DNAI1: variants seen among roughly 807,000 people sequenced by gnomAD.
DNAI1 encodes dynein axonemal intermediate chain 1.
Under a neutral mutation model 92.0 loss-of-function variants are expected in DNAI1, and 67 were observed. The ratio of observed to expected loss-of-function variants is 0.73; its 90% confidence interval spans 0.60 to 0.89. The LOEUF (loss-of-function observed/expected upper bound fraction) is 0.89. Among genes scored for constraint, DNAI1 ranks in the 40% least tolerant of loss-of-function variants. The pLI is 0.00. For synonymous variants in DNAI1, 323 were observed against 319.6 expected (o/e 1.01, Z -0.11); for missense variants, 839 against 866.6 (o/e 0.97, Z 0.40).
At chr9:34,462,249 C>A (rs1287300905) in intron 1 of DNAI1, among the ~76,000 whole-genome samples, 2 of 152,324 alleles carry the variant, frequency 1.3e-5, no homozygotes, top group African/African-American at 4.8e-5. Context: ...GAACTGCCCT[C>A]ACTTCCTGGA....
In DNAI1 at chr9:34,458,994, C is replaced by T. The variant is rs759637740; in HGVS notation, c.-12C>T. On this transcript the variant is annotated 5_prime_UTR_variant, in exon 1 of 20. Transcript: ENST00000242317. This position sits in a 1 kb window ranked among gnomAD's most constrained non-coding sequence, Gnocchi z 6.6. ...GACGAGGGAGCGTTTTGTAGGCTCT[C>T]CAGGGGTTGAGATGATTCCTGCTTC... The T allele has an allele frequency of 6.2e-6, 10 of 1,614,042 alleles. No homozygotes were observed. The Admixed American group carries it at 1.7e-4, about 27-fold the overall frequency.
rs758459005 is a variant in DNAI1 at position 34,493,167 on chromosome 9, G to C, written c.682-27G>C. ...CTGGGTAAAGATTGCACCTTACAAT[G>C]ATCCTTCTTATCTCACCCTTGCCTA... On this transcript the variant is annotated intron_variant, in intron 8 of 19. Transcript: ENST00000242317. 3.1e-6 allele frequency: 5 copies of C among 1,614,036 alleles called. No homozygotes were observed. In the African/African-American group the frequency reaches 6.7e-5, roughly 22 times the overall value.
At chr9:34,481,808 T>A (rs1292312187) in intron 1 of DNAI1, among the ~76,000 whole-genome samples, 1 of 152,232 alleles carries the variant, frequency 6.6e-6, no homozygotes, top group Non-Finnish European at 1.5e-5. Context: ...CAGTGAGTGT[T>A]ACAGCTCATA....
chr9:34,491,672 T>A, intron 8 of DNAI1, 118 bp downstream of exon 8: 1 of 1,083,400 alleles, frequency 9.2e-7, no homozygotes, highest in Non-Finnish European at 1.4e-6. Flanking sequence ...CCTCCTCATC[T>A]ACTTGCCTCC....
chr9:34,474,568 T>C (rs28668308), intron 1 of DNAI1, among the ~76,000 whole-genome samples: 1 of 87,604 alleles, frequency 1.1e-5, no homozygotes, highest in East Asian at 2.2e-4. Flanking sequence ...TTTTTTTTCC[T>C]TTTTTTTTTT....
chr9:34,499,484 G>T (rs1443709404), intron 10 of DNAI1, among the ~76,000 whole-genome samples: 1 of 152,158 alleles, frequency 6.6e-6, no homozygotes, highest in Non-Finnish European at 1.5e-5. Context: ...GCTAGGCACT[G>T]GGGACCCAGA....
rs530180315 is a variant in DNAI1 at position 34,480,341 on chromosome 9, G to T, written c.49-3107G>T. On this transcript the variant is annotated intron_variant, in intron 1 of 19. Coordinates refer to ENST00000242317, the MANE Select transcript of DNAI1 (RefSeq NM_012144.4). ...TCACCCAGGCTGGAGTCCAGTGTGC[G>T]ATCTTGGCTCACTGCAACCCCTGCC... 3.5e-5 allele frequency among the ~76,000 whole-genome samples: 5 copies of T among 143,514 alleles called. No individual in the cohort carries two copies. In the South Asian group the frequency reaches 1.1e-3, roughly 32 times the overall value. The allele number at this position is 143,514 out of a possible 152,430, so 94.2% of individuals were successfully genotyped here.
In DNAI1 at chr9:34,506,756, T is replaced by G; in HGVS notation, c.1193T>G (p.Leu398Arg). Residue 398 changes from leucine (L) to arginine (R), a missense_variant, in exon 13 of 20, where the codon CTG (leucine) becomes CGG (arginine). Physicochemically the swap from Leu to Arg is moderately radical, Grantham distance 102. Transcript: ENST00000242317. ...CLDIHVDHPYLVAVGHYDGNV... is the reference protein window; with the variant it reads ...CLDIHVDHPYRVAVGHYDGNV... ...GACATCCACGTGGACCACCCCTACC[T>G]GGTGGCAGTAGGCCACTATGACGGC... The G allele has an allele frequency of 1.2e-6, 2 of 1,614,194 alleles. No homozygotes were observed. Among genetic ancestry groups the G allele is most frequent in the Non-Finnish European group, 1.7e-6 (2 of 1,180,032 alleles).
At chr9:34,493,158 C>A (rs1205707936) in intron 8 of DNAI1, 36 bp from the exon 9 acceptor site, 10 of 1,614,088 alleles carry the variant, frequency 6.2e-6, no homozygotes, top group Non-Finnish European at 6.8e-6. Flanking sequence ...AAAGATTGCA[C>A]CTTACAATGA....
intron 1 of DNAI1, among the ~76,000 whole-genome samples, chr9:34,470,922 A>G (rs959656589): frequency 6.6e-6 from 1 of 152,238 alleles, no homozygotes; most frequent in African/African-American, 2.4e-5. Flanking sequence ...ATCTCAGCAT[A>G]TTAAGAGTAG....
At chr9:34,487,058 T>A (rs1824486488) in intron 4 of DNAI1, among the ~76,000 whole-genome samples, 1 of 152,240 alleles carries the variant, frequency 6.6e-6, no homozygotes, top group Non-Finnish European at 1.5e-5. Flanking sequence ...TTTTGGCTAT[T>A]ATGACTAATG....
At chr9:34,485,030 C>T in intron 2 of DNAI1, 112 bp from the exon 3 acceptor site, 2 of 998,356 alleles carry the variant, frequency 2.0e-6, no homozygotes, top group South Asian at 2.6e-5. Context: ...TTGTATTCTA[C>T]ATACAAGGGG....
intron 18 of DNAI1, among the ~76,000 whole-genome samples, chr9:34,515,684 T>C (rs958731009): frequency 3.3e-5 from 5 of 152,188 alleles, no homozygotes; most frequent in Admixed American, 3.3e-4. Flanking sequence ...TGCTACAACA[T>C]GGAGGAACCT....
chr9:34,483,720 GAT>G (rs1348808800), intron 2 of DNAI1, among the ~76,000 whole-genome samples: 3 of 152,046 alleles, frequency 2.0e-5, no homozygotes, highest in Non-Finnish European at 4.4e-5. Context: ...GAATAAGAGA[GAT>G]ATATTTATTT....
intron 9 of DNAI1, among the ~76,000 whole-genome samples, chr9:34,496,036 C>G (rs1015317374): frequency 3.0e-4 from 45 of 152,170 alleles, no homozygotes; most frequent in African/African-American, 1.0e-3. Context: ...CATGTTTCCT[C>G]TGACACCATC....
At chr9:34,484,718 A>G (rs542187587) in intron 2 of DNAI1, among the ~76,000 whole-genome samples, 2 of 152,350 alleles carry the variant, frequency 1.3e-5, no homozygotes, top group East Asian at 3.9e-4. Flanking sequence ...GTAGTTGGGA[A>G]GATAAAATAT....
intron 19 of DNAI1, among the ~76,000 whole-genome samples, chr9:34,520,137 C>T (rs1451422224): frequency 6.6e-6 from 1 of 152,136 alleles, no homozygotes; most frequent in African/African-American, 2.4e-5. Context: ...GCAGGTCTCG[C>T]CCCAAATAGC....
At chr9:34,491,722 C>T (rs1238759812) in intron 8 of DNAI1, among the ~76,000 whole-genome samples, 168 bp downstream of exon 8, 2 of 152,220 alleles carry the variant, frequency 1.3e-5, no homozygotes, top group Non-Finnish European at 2.9e-5. Flanking sequence ...GAACACCAGG[C>T]ACATGAGACA....
Position 34,483,420 on chromosome 9 carries a change from T to A in DNAI1, c.49-28T>A, listed in dbSNP as rs1191516999. On this transcript the variant is annotated intron_variant, in intron 1 of 19. Transcript: ENST00000242317. Reference sequence around the variant, plus strand: ...TTTCCATGTCAATTTGCTTATGACTTACCTTCTGTTTTCTGTTCTTCATTT... The same window carrying A: ...TTTCCATGTCAATTTGCTTATGACTAACCTTCTGTTTTCTGTTCTTCATTT... 6 of 1,607,868 alleles carry A rather than the reference T, an allele frequency of 3.7e-6. No individual in the cohort carries two copies. The East Asian group carries it at 1.3e-4, about 36-fold the overall frequency.
Sources: allele counts gnomAD v4.1 joint callset (sites outside exome capture counted in the v4.1 genomes callset), GRCh38; gene constraint gnomAD v4.1.1; non-coding constraint Gnocchi (gnomAD v3.1); transcripts MANE v1.5; gene names NCBI Gene and HGNC (gene_info 2026-07-23, HGNC 2026-07-21).